TMEM143: variants seen among roughly 807,000 people sequenced by gnomAD.
TMEM143 encodes the protein transmembrane protein 143.
Under a neutral mutation model 40.3 loss-of-function variants are expected in TMEM143, and 45 were observed. That is an observed-to-expected ratio of 1.12 (90% CI 0.88 to 1.43). The LOEUF (loss-of-function observed/expected upper bound fraction) is 1.43. TMEM143 is among the 40% of genes most tolerant of loss of function. TMEM143 has a pLI of 0.00. For synonymous variants in TMEM143, 299 were observed against 282.7 expected, an observed-to-expected ratio of 1.06 and a Z score of -0.58; for missense variants, 620 against 613.4, an observed-to-expected ratio of 1.01 and a Z score of -0.11.
intron 4 of TMEM143, 103 bp from the exon 5 acceptor site, chr19:48,343,554 T>G: frequency 7.1e-7 from 1 of 1,414,186 alleles, no homozygotes; most frequent in South Asian, 1.4e-5. Flanking sequence ...TTCCCCCGTT[T>G]CCCACTTATC....
At chr19:48,336,265 T>A (rs1370401169) in intron 6 of TMEM143, among the ~76,000 whole-genome samples, 5 of 151,702 alleles carry the variant, frequency 3.3e-5, no homozygotes, top group Non-Finnish European at 5.9e-5. Context: ...TGCCTGTAAT[T>A]CTAGCACTTT....
chr19:48,357,777 T>C (rs1346159179), intron 3 of TMEM143, among the ~76,000 whole-genome samples: 1 of 152,104 alleles, frequency 6.6e-6, no homozygotes, highest in Non-Finnish European at 1.5e-5. Flanking sequence ...TCTCTTGCAG[T>C]AATTGGATGG....
rs1362424697 is a variant in TMEM143 at position 48,350,549 on chromosome 19, A to G, written c.370-5195T>C. Among the ~76,000 whole-genome samples the G allele has an allele frequency of 2.6e-5, 4 of 152,068 alleles. 1 individual carries two copies. Among genetic ancestry groups the G allele is most frequent in the Non-Finnish European group, 5.9e-5 (4 of 68,018 alleles). ...CACCCACGTTCAGCTCCCAGAGCGC[A>G]CGATGCAGGCCCAGTTTCACTCCTC... is the stretch of plus-strand genomic sequence containing the variant. On this transcript the variant is annotated intron_variant, in intron 3 of 7. Coordinates refer to ENST00000293261, the MANE Select transcript of TMEM143 (RefSeq NM_018273.4).
chr19:48,360,290 G>A lies in TMEM143; in HGVS notation c.265-114C>T, dbSNP rs59311194. ...TCAGAGCTCTGGACTTTGAAGTTTT[G>A]TTCTGGGGCTGGGCGCAGTGTCTCG... On this transcript the variant is annotated intron_variant, in intron 2 of 7. Transcript: ENST00000293261. 10 of 1,095,942 alleles carry A rather than the reference G, an allele frequency of 9.1e-6. No homozygotes were observed. The African/African-American group carries it at 1.5e-4, about 17-fold the overall frequency. The allele number at this position is 1,095,942 out of a possible 1,614,324, so 67.9% of individuals were successfully genotyped here. A position where few individuals can be genotyped will look rare whatever the true frequency, so the allele number is the denominator to read the frequency against.
In TMEM143 at chr19:48,332,968, G is replaced by A. The variant is rs545638533; in HGVS notation, c.*251C>T. 1.2e-5 allele frequency: 4 copies of A among 347,470 alleles called. No homozygotes were observed. The East Asian group carries it at 1.8e-4, about 15-fold the overall frequency. 21.5% of individuals were successfully genotyped at this position (347,470 alleles called of 1,614,324 possible). A position where few individuals can be genotyped will look rare whatever the true frequency, so the allele number is the denominator to read the frequency against. ...ACTTGGATGTTTATGGTGAGGGTGG[G>A]ACTAAGAAATGGAACAGAAGCAGAG... On this transcript the variant is annotated 3_prime_UTR_variant, in exon 8 of 8. Transcript: ENST00000293261.
Position 48,343,409 on chromosome 19 carries a change from C to T in TMEM143, c.607G>A (p.Ala203Thr), listed in dbSNP as rs1439110331. The change falls in exon 5 of 8, where the codon GCC (alanine) becomes ACC (threonine). Residue 203 changes from alanine to threonine, a missense_variant. Physicochemically the swap from Ala to Thr is moderately conservative, Grantham distance 58. Coordinates refer to ENST00000293261, the MANE Select transcript of TMEM143 (RefSeq NM_018273.4). ...ATCTGCCCGACTCGCTGGCCCAGGG[C>T]CCAGAAGTGAATGTAGACATACTGA... ...LDQYVYIHFW[A>T]LGQRVGQMPL... 6.3e-7 allele frequency: 1 copy of T among 1,593,640 alleles called. No homozygotes were observed. The highest frequency in any genetic ancestry group is 2.3e-5 in the East Asian group (1 of 44,022).
chr19:48,339,822 G>A (rs924157628), intron 6 of TMEM143, among the ~76,000 whole-genome samples: 3 of 152,132 alleles, frequency 2.0e-5, no homozygotes, highest in African/African-American at 7.2e-5. Flanking sequence ...TCCACCTCCC[G>A]AGTTCAAGTG....
intron 6 of TMEM143, among the ~76,000 whole-genome samples, chr19:48,339,517 T>C (rs1969442881): frequency 6.6e-6 from 1 of 152,070 alleles, no homozygotes; most frequent in Non-Finnish European, 1.5e-5. Context: ...GATGGGGAAC[T>C]TGAGAGGAGC....
chr19:48,352,553 T>C (rs1300056241), intron 3 of TMEM143, among the ~76,000 whole-genome samples: 1 of 151,140 alleles, frequency 6.6e-6, no homozygotes, highest in African/African-American at 2.4e-5. Context: ...GGCGGGCGGA[T>C]CACTTGAGGC....
At chr19:48,354,145 G>A (rs1447583080) in intron 3 of TMEM143, among the ~76,000 whole-genome samples, 1 of 151,492 alleles carries the variant, frequency 6.6e-6, no homozygotes, top group Non-Finnish European at 1.5e-5. Context: ...TTTTAGTAGA[G>A]TCGGGGTTTC....
chr19:48,341,952 C>A (rs1969496407), intron 6 of TMEM143, among the ~76,000 whole-genome samples: 1 of 151,826 alleles, frequency 6.6e-6, no homozygotes, highest in South Asian at 2.1e-4. Flanking sequence ...CGCTATCATC[C>A]CCATTTTCCA....
chr19:48,356,646 G>A (rs1307856637), intron 3 of TMEM143, among the ~76,000 whole-genome samples: 3 of 141,648 alleles, frequency 2.1e-5, no homozygotes, highest in African/African-American at 7.9e-5. Flanking sequence ...TGCCCAGGCT[G>A]CAGTGCAATG....
chr19:48,361,407 G>A (rs1189349691), intron 2 of TMEM143, among the ~76,000 whole-genome samples: 8 of 151,904 alleles, frequency 5.3e-5, no homozygotes, highest in South Asian at 2.1e-4. Context: ...TAATAGAGAC[G>A]GGGTTTCACC....
intron 3 of TMEM143, among the ~76,000 whole-genome samples, chr19:48,351,739 C>G (rs1024659849): frequency 6.6e-6 from 1 of 152,182 alleles, no homozygotes; most frequent in Admixed American, 6.5e-5. Context: ...GCTCCCCTCT[C>G]CTTCAGGTCT....
intron 6 of TMEM143, among the ~76,000 whole-genome samples, chr19:48,341,885 C>T (rs866793221): frequency 6.6e-6 from 1 of 151,992 alleles, no homozygotes; most frequent in Non-Finnish European, 1.5e-5. Context: ...CCGAGCACTG[C>T]CCAGTGCTTC....
chr19:48,342,834 A>G (rs1343349775), intron 5 of TMEM143, 25 bp from the exon 6 acceptor site: 4 of 1,577,902 alleles, frequency 2.5e-6, no homozygotes, highest in East Asian at 2.3e-5. Flanking sequence ...CAGAGGCAGG[A>G]GCAGGATCGG....
Position 48,363,347 on chromosome 19 carries a change from A to G in TMEM143, c.208T>C (p.Tyr70His), listed in dbSNP as rs1256379227. The change falls in exon 2 of 8, where the codon TAC (tyrosine) becomes CAC (histidine). Residue 70 changes from tyrosine to histidine, a missense_variant. By Grantham distance (83) the Tyr-to-His change is moderately conservative. Coordinates refer to ENST00000293261, the MANE Select transcript of TMEM143 (RefSeq NM_018273.4). ...PREPRDWAQQ[Y>H]RERFIPFSKE... is the part of the protein sequence containing the mutation. Reference sequence around the variant, plus strand: ...GAGAAGGGAATGAAGCGCTCGCGGTACTGCTGGGCCCAGTCGCGGGGCTCC... The same window carrying G: ...GAGAAGGGAATGAAGCGCTCGCGGTGCTGCTGGGCCCAGTCGCGGGGCTCC... 2 of 1,614,210 alleles carry G rather than the reference A, an allele frequency of 1.2e-6. No homozygotes were observed. The highest frequency in any genetic ancestry group is 3.3e-5 in the Admixed American group (2 of 60,028).
chr19:48,359,568 G>A (rs1309890298), intron 3 of TMEM143, among the ~76,000 whole-genome samples: 4 of 147,428 alleles, frequency 2.7e-5, no homozygotes, highest in Admixed American at 6.9e-5. Flanking sequence ...GTGCAGTGGC[G>A]CAATCTTGGC....
chr19:48,343,113 G>A, intron 5 of TMEM143: 1 of 734,250 alleles, frequency 1.4e-6, no homozygotes, highest in Non-Finnish European at 2.2e-6. Flanking sequence ...GGGGAGAACT[G>A]TCCCCATCCT....
Sources: allele counts gnomAD v4.1 joint callset (sites outside exome capture counted in the v4.1 genomes callset), GRCh38; gene constraint gnomAD v4.1.1; transcripts MANE v1.5; gene names NCBI Gene and HGNC (gene_info 2026-07-23, HGNC 2026-07-21).